The following HCN1 variants were observed in gnomAD, a reference collection of about 807,000 sequenced individuals.
The protein encoded by HCN1 is potassium/sodium hyperpolarization-activated cyclic nucleotide-gated channel 1.
In HCN1, 13 loss-of-function variants were observed where a neutral mutation model predicts 78.9. The ratio of observed to expected loss-of-function variants is 0.16; its 90% CI spans 0.11 to 0.26. The LOEUF is 0.26. Among genes scored for constraint, HCN1 ranks in the 10% least tolerant of loss-of-function variants. The probability of loss-of-function intolerance (pLI) is 1.00; values close to 1 mark genes in which losing one functional copy is unlikely to be tolerated. For missense variants in HCN1, 810 were observed against 1,154.3 expected, an observed-to-expected ratio of 0.70 and a Z score of 4.32; for synonymous variants, 552 against 455.5, an observed-to-expected ratio of 1.21 and a Z score of -2.70.
intron 6 of HCN1, among the ~76,000 whole-genome samples, chr5:45,278,500 T>TG (rs1156675301): frequency 6.6e-6 from 1 of 152,034 alleles, no homozygotes; most frequent in African/African-American, 2.4e-5. Flanking sequence ...TATCTGTTGA[T>TG]TTTTTTCCCA....
intron 1 of HCN1, among the ~76,000 whole-genome samples, chr5:45,684,861 C>CA (rs1307101459): frequency 6.6e-6 from 1 of 152,168 alleles, no homozygotes; most frequent in African/African-American, 2.4e-5. Context: ...GACTCTGTCT[C>CA]AAAAAACAAA....
Position 45,659,825 on chromosome 5 carries a change from T to C in HCN1, c.426-14217A>G, listed in dbSNP as rs546695058. On this transcript the variant is annotated intron_variant, in intron 1 of 7. Transcript: ENST00000303230. ...TATGTGAAAAGACCAAATCTACGTCTGATTGGTGTACCTGAAAGTGATGTG... is the reference window on the plus strand; with the variant it reads ...TATGTGAAAAGACCAAATCTACGTCCGATTGGTGTACCTGAAAGTGATGTG... Among the ~76,000 whole-genome samples the C allele has an allele frequency of 7.2e-3, 815 of 112,872 alleles. 7 individuals carry two copies. Among genetic ancestry groups the C allele is most frequent in the Middle Eastern group, 0.056 (13 of 232 alleles). 74.0% of individuals were successfully genotyped at this position (112,872 alleles called of 152,430 possible). A position where few individuals can be genotyped will look rare whatever the true frequency, so the allele number is the denominator to read the frequency against.
intron 6 of HCN1, among the ~76,000 whole-genome samples, chr5:45,303,266 C>T (rs2111904231): frequency 6.6e-6 from 1 of 152,250 alleles, no homozygotes; most frequent in East Asian, 1.9e-4. Flanking sequence ...GAATCAGCTC[C>T]TCTTGTGGAG....
chr5:45,581,398 T>A (rs553176365), intron 2 of HCN1, among the ~76,000 whole-genome samples: 52 of 152,294 alleles, frequency 3.4e-4, no homozygotes, highest in African/African-American at 1.1e-3. Context: ...TTCTTTGAGT[T>A]CTTTGTAGAT....
intron 4 of HCN1, among the ~76,000 whole-genome samples, chr5:45,369,261 T>C (rs1445608744): frequency 5.3e-5 from 8 of 152,074 alleles, no homozygotes; most frequent in African/African-American, 1.4e-4. Context: ...TTACCATGAA[T>C]TTGTATGTGT....
intron 2 of HCN1, among the ~76,000 whole-genome samples, chr5:45,502,934 T>C (rs1742220694): frequency 1.3e-5 from 2 of 152,200 alleles, no homozygotes; most frequent in African/African-American, 2.4e-5. Flanking sequence ...TACAGTATTG[T>C]TTATATCTAT....
At chr5:45,519,894 T>A (rs943768299) in intron 2 of HCN1, among the ~76,000 whole-genome samples, 8 of 152,148 alleles carry the variant, frequency 5.3e-5, no homozygotes, top group African/African-American at 1.7e-4. Context: ...AGGTGATTTT[T>A]ACCTAATAAT....
At chr5:45,633,504 T>A (rs1745304783) in intron 2 of HCN1, among the ~76,000 whole-genome samples, 1 of 151,954 alleles carries the variant, frequency 6.6e-6, no homozygotes. Flanking sequence ...TTAGAGCCAT[T>A]CTCGAAATAT....
intron 2 of HCN1, among the ~76,000 whole-genome samples, chr5:45,482,226 GTC>G (rs1164938052): frequency 2.0e-5 from 3 of 152,196 alleles, no homozygotes; most frequent in Non-Finnish European, 4.4e-5. Context: ...GTGCTTCAAT[GTC>G]AGGAATTAGA....
intron 2 of HCN1, among the ~76,000 whole-genome samples, chr5:45,487,652 A>G (rs1485035098): frequency 1.3e-5 from 2 of 152,080 alleles, no homozygotes; most frequent in East Asian, 1.9e-4. Context: ...TTTTTTTCCA[A>G]TTGAGAAATT....
At chr5:45,546,189 A>C (rs1287107841) in intron 2 of HCN1, among the ~76,000 whole-genome samples, 1 of 151,918 alleles carries the variant, frequency 6.6e-6, no homozygotes, top group East Asian at 1.9e-4. Flanking sequence ...TCATGTCCAA[A>C]CCTATTCCTC....
chr5:45,646,575 A>C (rs928680172), intron 1 of HCN1, among the ~76,000 whole-genome samples: 1 of 151,962 alleles, frequency 6.6e-6, no homozygotes, highest in African/African-American at 2.4e-5. Flanking sequence ...AATTCTGAAC[A>C]TGCCTATGAC....
At chr5:45,316,319 A>G (rs984103585) in intron 5 of HCN1, among the ~76,000 whole-genome samples, 1 of 152,204 alleles carries the variant, frequency 6.6e-6, no homozygotes, top group Non-Finnish European at 1.5e-5. Context: ...AAATCACATG[A>G]TTATCTCAAT....
intron 4 of HCN1, among the ~76,000 whole-genome samples, chr5:45,366,164 T>TTGTGTG (rs10642474): frequency 1.8e-4 from 26 of 146,996 alleles, no homozygotes; most frequent in African/African-American, 3.5e-4. Context: ...ATTATAGCAT[T>TTGTGTG]TGTGTGTGTG....
intron 2 of HCN1, among the ~76,000 whole-genome samples, chr5:45,585,564 G>A (rs891484179): frequency 6.6e-6 from 1 of 152,156 alleles, no homozygotes; most frequent in African/African-American, 2.4e-5. Context: ...TCTGTTGCTG[G>A]TGAGGAGCTG....
At chr5:45,391,656 A>C (rs1739562519) in intron 4 of HCN1, among the ~76,000 whole-genome samples, 2 of 152,154 alleles carry the variant, frequency 1.3e-5, no homozygotes, top group African/African-American at 4.8e-5. Flanking sequence ...ACCCATGATT[A>C]GCCCAAGACT....
intron 3 of HCN1, among the ~76,000 whole-genome samples, chr5:45,431,512 C>T (rs1234419472): frequency 6.6e-6 from 1 of 152,034 alleles, no homozygotes; most frequent in African/African-American, 2.4e-5. Flanking sequence ...TTTGCTGGTT[C>T]CTATGTCCAG....
At chr5:45,601,257 C>A in intron 2 of HCN1, among the ~76,000 whole-genome samples, 1 of 152,008 alleles carries the variant, frequency 6.6e-6, no homozygotes, top group Non-Finnish European at 1.5e-5. Flanking sequence ...CAAAAAAAAT[C>A]TAATGAAGTG....
At chr5:45,352,973 G>C (rs1746942923) in intron 5 of HCN1, 127 bp downstream of exon 5, 5 of 749,944 alleles carry the variant, frequency 6.7e-6, no homozygotes, top group Non-Finnish European at 8.8e-6. Context: ...AGCTAAAGAA[G>C]ATAAGGACAA....
Sources: allele counts gnomAD v4.1 joint callset (sites outside exome capture counted in the v4.1 genomes callset), GRCh38; gene constraint gnomAD v4.1.1; transcripts MANE v1.5; gene names NCBI Gene and HGNC (gene_info 2026-07-23, HGNC 2026-07-21).